Variants in TOP1 observed in about 807,000 individuals in gnomAD.
TOP1 encodes DNA topoisomerase 1.
TOP1 carries 10 observed loss-of-function variants against 111.1 expected under a neutral mutation model. The observed-to-expected ratio is 0.09, with a 90% CI of 0.06 to 0.15. The LOEUF is 0.15. Among genes scored for constraint, TOP1 ranks in the 10% least tolerant of loss-of-function variants. The probability of loss-of-function intolerance (pLI) is 1.00; values close to 1 mark genes in which losing one functional copy is unlikely to be tolerated. For synonymous variants in TOP1, 271 were observed against 302.9 expected, an observed-to-expected ratio of 0.89 and a Z score of 1.10; for missense variants, 474 against 926.7, an observed-to-expected ratio of 0.51 and a Z score of 6.34.
At position 41,120,428 on chromosome 20, in the gene TOP1, C is replaced by T. The variant is rs987696561; in HGVS notation, c.1951-1268C>T. Among the ~76,000 whole-genome samples, 24 of 152,304 alleles carry T rather than the reference C, an allele frequency of 1.6e-4. No individual in the cohort carries two copies. In the East Asian group the frequency reaches 2.5e-3, roughly 16 times the overall value. On this transcript the variant is annotated intron_variant, in intron 18 of 20. Transcript: ENST00000361337. Reference sequence around the variant, plus strand: ...TGTGTGTCAGACATGTTATTTACTCCGTAGAGGTTGTCTTCACCTCACATA... The same window carrying T: ...TGTGTGTCAGACATGTTATTTACTCTGTAGAGGTTGTCTTCACCTCACATA...
chr20:41,115,225 G>A lies in TOP1; in HGVS notation c.1639-146G>A, dbSNP rs1167575550. 5 of 594,082 alleles carry A rather than the reference G, an allele frequency of 8.4e-6. No individual in the cohort carries two copies. Among genetic ancestry groups the A allele is most frequent in the African/African-American group, 7.5e-5 (4 of 53,578 alleles). 36.8% of individuals were successfully genotyped at this position (594,082 alleles called of 1,614,324 possible). ...TGCACACTGTGCAAATGATGAATGG[G>A]GTAAAATGTTAACAGTGAATCTCGG... On this transcript the variant is annotated intron_variant, in intron 15 of 20. Coordinates refer to ENST00000361337, the MANE Select transcript of TOP1 (RefSeq NM_003286.4). This position sits in a 1 kb window ranked among gnomAD's most constrained non-coding sequence, Gnocchi z 6.3.
chr20:41,030,548 A>G lies in TOP1; in HGVS notation c.58+1093A>G, dbSNP rs567356982. Among the ~76,000 whole-genome samples the G allele has an allele frequency of 1.1e-4, 16 of 148,222 alleles. 1 individual carries two copies. In the South Asian group the frequency reaches 2.4e-3, roughly 22 times the overall value. On this transcript the variant is annotated intron_variant, in intron 2 of 20. Coordinates refer to ENST00000361337, the MANE Select transcript of TOP1 (RefSeq NM_003286.4). This position sits in a 1 kb window ranked among gnomAD's most constrained non-coding sequence, Gnocchi z 4.1. ...AAATCAAGGCATTTATTCTTACTGT[A>G]TTTCCACTTCAGTTACCCAGGGAAG...
chr20:41,035,812 C>T (rs1445956268), intron 2 of TOP1, among the ~76,000 whole-genome samples: 3 of 151,948 alleles, frequency 2.0e-5, no homozygotes, highest in Non-Finnish European at 4.4e-5. Flanking sequence ...GTATGAATGC[C>T]CAGATTTATA....
In TOP1 at chr20:41,058,503, A is replaced by C. The variant is rs1369590094; in HGVS notation, c.59-2891A>C. On this transcript the variant is annotated intron_variant, in intron 2 of 20. Transcript: ENST00000361337. The surrounding 1 kb of genome is among the most constrained non-coding windows in gnomAD (Gnocchi z 4.2). ...ACATGGCTAATTGGCAGGAAGCTTA[A>C]GTTTCTTACTACATGGGCCTTTCCA... 1.3e-5 allele frequency among the ~76,000 whole-genome samples: 2 copies of C among 152,206 alleles called. No homozygotes were observed. Among genetic ancestry groups the C allele is most frequent in the Non-Finnish European group, 2.9e-5 (2 of 68,022 alleles).
chr20:41,037,565 T>C (rs2033204683), intron 2 of TOP1, among the ~76,000 whole-genome samples: 1 of 152,182 alleles, frequency 6.6e-6, no homozygotes. Context: ...TAATAAAGCT[T>C]ATGTGTGAGA....
intron 3 of TOP1, among the ~76,000 whole-genome samples, chr20:41,070,574 A>G (rs1055902920): frequency 6.6e-6 from 1 of 152,204 alleles, no homozygotes; most frequent in East Asian, 1.9e-4. Flanking sequence ...AATATCATTT[A>G]AGATTTAACT....
Position 41,029,141 on chromosome 20 carries a change from TGGCCGTCCCGCGACCCCCGGCGCA to T in TOP1, c.33+46_33+69del. The T allele has an allele frequency of 7.0e-7, 1 of 1,424,984 alleles. No individual in the cohort carries two copies. Among genetic ancestry groups the T allele is most frequent in the Non-Finnish European group, 9.2e-7 (1 of 1,086,198 alleles). The allele number at this position is 1,424,984 out of a possible 1,614,324, so 88.3% of individuals were successfully genotyped here. A position where few individuals can be genotyped will look rare whatever the true frequency, so the allele number is the denominator to read the frequency against. ...ACCCTGGCGGCCCCGGACCCCGGCCTGGCCGTCCCGCGACCCCCGGCGCAGGCCCCGACCCCAGCCCCGGCCCGG... is the reference window on the plus strand; with the variant it reads ...ACCCTGGCGGCCCCGGACCCCGGCCTGGCCCCGACCCCAGCCCCGGCCCGG... On this transcript the variant is annotated intron_variant, in intron 1 of 20. Coordinates refer to ENST00000361337, the MANE Select transcript of TOP1 (RefSeq NM_003286.4). This position sits in a 1 kb window ranked among gnomAD's most constrained non-coding sequence, Gnocchi z 6.1.
chr20:41,042,121 G>A (rs938833906), intron 2 of TOP1, among the ~76,000 whole-genome samples: 1 of 152,136 alleles, frequency 6.6e-6, no homozygotes, highest in Non-Finnish European at 1.5e-5. Flanking sequence ...TGTTGGCCAC[G>A]ATGGTCCCAA....
intron 3 of TOP1, among the ~76,000 whole-genome samples, 191 bp from the exon 4 acceptor site, chr20:41,075,980 C>CT (rs2033722500): frequency 6.6e-6 from 1 of 152,086 alleles, no homozygotes; most frequent in South Asian, 2.1e-4. Context: ...GGTTTCTGTT[C>CT]TTTGCAAAAA....
chr20:41,115,284 C>G lies in TOP1; in HGVS notation c.1639-87C>G. 1 of 904,696 alleles carries G rather than the reference C, an allele frequency of 1.1e-6. No individual in the cohort carries two copies. The highest frequency in any genetic ancestry group is 1.4e-5 in the South Asian group (1 of 69,806). The allele number at this position is 904,696 out of a possible 1,614,324, so 56.0% of individuals were successfully genotyped here. ...GTATGCGTGTTCCTTGTGCCTTTTT[C>G]TTTGCAAGTTTCTTTAAGTTTGGGG... On this transcript the variant is annotated intron_variant, in intron 15 of 20. Transcript: ENST00000361337. The surrounding 1 kb of genome is among the most constrained non-coding windows in gnomAD (Gnocchi z 6.3).
chr20:41,076,198 C>T lies in TOP1; in HGVS notation c.183C>T (p.His61=). 6.2e-7 allele frequency: 1 copy of T among 1,606,594 alleles called. No homozygotes were observed. The highest frequency in any genetic ancestry group is 8.5e-7 in the Non-Finnish European group (1 of 1,174,514). Residue 61 remains histidine, a synonymous_variant, in exon 4 of 21, where the codon CAC becomes CAT. Coordinates refer to ENST00000361337, the MANE Select transcript of TOP1 (RefSeq NM_003286.4). Reference sequence around the variant, plus strand: ...AACATAAAGATTCTGAAAAGAAACACAAAGAGAAGGAGAAGACCAAACACA... The same window carrying T: ...AACATAAAGATTCTGAAAAGAAACATAAAGAGAAGGAGAAGACCAAACACA... ...NSEHKDSEKK[H]KEKEKTKHKD...
Position 41,095,709 on chromosome 20 carries a change from G to T in TOP1, c.731-1511G>T, listed in dbSNP as rs1341609017. The stretch of plus-strand genomic sequence containing the variant: ...TGTCTTCTGAGTTTTGAAATAAATG[G>T]ATTTCTGGTTAAATTTTAGTTTTCT... On this transcript the variant is annotated intron_variant, in intron 9 of 20. Coordinates refer to ENST00000361337, the MANE Select transcript of TOP1 (RefSeq NM_003286.4). The surrounding 1 kb of genome is among the most constrained non-coding windows in gnomAD (Gnocchi z 4.6). 6.6e-6 allele frequency among the ~76,000 whole-genome samples: 1 copy of T among 152,186 alleles called. No individual in the cohort carries two copies. The highest frequency in any genetic ancestry group is 2.4e-5 in the African/African-American group (1 of 41,436).
rs1235711069 is a variant in TOP1, at chr20:41,046,761, A to AT, written c.59-14630dup. On this transcript the variant is annotated intron_variant, in intron 2 of 20. Coordinates refer to ENST00000361337, the MANE Select transcript of TOP1 (RefSeq NM_003286.4). This position sits in a 1 kb window ranked among gnomAD's most constrained non-coding sequence, Gnocchi z 4.3. ...CTGAAGTCTGCTTATTTACTAAGGA[A>AT]TTTCATCAGAGGTGGTTAGCATTTT... Among the ~76,000 whole-genome samples, 12 of 152,216 alleles carry AT rather than the reference A, an allele frequency of 7.9e-5. No homozygotes were observed. The highest frequency in any genetic ancestry group is 2.9e-4 in the African/African-American group (12 of 41,454).
intron 18 of TOP1, among the ~76,000 whole-genome samples, chr20:41,119,571 T>C (rs1225182859): frequency 2.0e-5 from 3 of 152,282 alleles, no homozygotes; most frequent in Non-Finnish European, 2.9e-5. Context: ...GAACTACTAC[T>C]GTGGAATGAG....
In TOP1 at chr20:41,122,027, G is replaced by C; in HGVS notation, c.2067G>C (p.Lys689Asn). The C allele has an allele frequency of 6.2e-7, 1 of 1,614,058 alleles. No homozygotes were observed. The highest frequency in any genetic ancestry group is 1.1e-5 in the South Asian group (1 of 91,082). ...KTKKVVESKK[K>N]AVQRLEEQLM... ...CTAGGGTAGTAGAGTCAAAGAAGAA[G>C]GCTGTTCAGAGACTGGAGGAACAGT... is the stretch of plus-strand genomic sequence containing the variant. Residue 689 changes from lysine (K) to asparagine (N), a missense_variant, in exon 20 of 21, where the codon AAG becomes AAC. Lys to Asn is a moderately conservative substitution (Grantham distance 94, BLOSUM62 0). Transcript: ENST00000361337. This position sits in a 1 kb window ranked among gnomAD's most constrained non-coding sequence, Gnocchi z 5.4.
intron 2 of TOP1, among the ~76,000 whole-genome samples, chr20:41,039,691 G>A (rs909435054): frequency 3.3e-5 from 5 of 152,046 alleles, no homozygotes; most frequent in Admixed American, 2.0e-4. Context: ...GGCGGATCAC[G>A]AGGTCAGGAG....
chr20:41,083,335 G>T lies in TOP1; in HGVS notation c.508-1127G>T, dbSNP rs1012754637. Among the ~76,000 whole-genome samples the T allele has an allele frequency of 6.6e-6, 1 of 152,010 alleles. No homozygotes were observed. Among genetic ancestry groups the T allele is most frequent in the Non-Finnish European group, 1.5e-5 (1 of 67,990 alleles). On this transcript the variant is annotated intron_variant, in intron 7 of 20. Coordinates refer to ENST00000361337, the MANE Select transcript of TOP1 (RefSeq NM_003286.4). This position sits in a 1 kb window ranked among gnomAD's most constrained non-coding sequence, Gnocchi z 7.2. ...ACATACCCACATATTTATATTCTCC[G>T]TGCCTGTTTTAAAATATGGATGGTA...
rs1184979351 is a variant in TOP1 at position 41,046,449 on chromosome 20, G to A, written c.59-14945G>A. Among the ~76,000 whole-genome samples the A allele has an allele frequency of 6.6e-6, 1 of 152,186 alleles. No individual in the cohort carries two copies. Among genetic ancestry groups the A allele is most frequent in the Non-Finnish European group, 1.5e-5 (1 of 68,036 alleles). ...CTTAGTTGCCTCCTGAGAATTCTGGGCTGTGGTGGAATTACCCATCAGACT... is the reference window on the plus strand; with the variant it reads ...CTTAGTTGCCTCCTGAGAATTCTGGACTGTGGTGGAATTACCCATCAGACT... On this transcript the variant is annotated intron_variant, in intron 2 of 20. Coordinates refer to ENST00000361337, the MANE Select transcript of TOP1 (RefSeq NM_003286.4). This position sits in a 1 kb window ranked among gnomAD's most constrained non-coding sequence, Gnocchi z 4.3.
intron 8 of TOP1, among the ~76,000 whole-genome samples, chr20:41,089,561 T>G (rs2033893120): frequency 6.6e-6 from 1 of 152,256 alleles, no homozygotes; most frequent in Admixed American, 6.5e-5. Flanking sequence ...CATCTTTTGA[T>G]GGACATGGGT....
Sources: allele counts gnomAD v4.1 joint callset (sites outside exome capture counted in the v4.1 genomes callset), GRCh38; gene constraint gnomAD v4.1.1; non-coding constraint Gnocchi (gnomAD v3.1); transcripts MANE v1.5; gene names NCBI Gene and HGNC (gene_info 2026-07-23, HGNC 2026-07-21).